MYOM1: variants seen among roughly 807,000 people sequenced by gnomAD.
MYOM1 encodes myomesin 1.
Under a neutral mutation model 205.3 loss-of-function variants are expected in MYOM1, and 164 were observed. The observed-to-expected ratio is 0.80, with a 90% CI of 0.70 to 0.91. The LOEUF (loss-of-function observed/expected upper bound fraction) is 0.91, where lower values mean the gene tolerates loss of function less well. Among genes scored for constraint, MYOM1 ranks in the 40% least tolerant of loss-of-function variants. MYOM1 has a pLI of 0.00. For synonymous variants in MYOM1, 772 were observed against 789.4 expected, an observed-to-expected ratio of 0.98 and a Z score of 0.37; for missense variants, 2,011 against 2,127.3, an observed-to-expected ratio of 0.95 and a Z score of 1.08.
At chr18:3,186,922 TAAAGAA>T (rs2080825022) in intron 5 of MYOM1, among the ~76,000 whole-genome samples, 1 of 64,992 alleles carries the variant, frequency 1.5e-5, no homozygotes, top group Non-Finnish European at 3.4e-5. Context: ...AAGAGGAAGA[TAAAGAA>T]AAAGAAAGAA....
At chr18:3,106,600 T>C (rs1245948391) in intron 22 of MYOM1, among the ~76,000 whole-genome samples, 2 of 152,106 alleles carry the variant, frequency 1.3e-5, no homozygotes, top group Non-Finnish European at 2.9e-5. Flanking sequence ...CAAAGTAGGA[T>C]TGCTTGAGCC....
chr18:3,106,505 G>A (rs966433978), intron 22 of MYOM1, among the ~76,000 whole-genome samples: 21 of 152,220 alleles, frequency 1.4e-4, no homozygotes, highest in African/African-American at 4.8e-4. Flanking sequence ...TTTTTTCAAA[G>A]TCTTACATTA....
intron 33 of MYOM1, among the ~76,000 whole-genome samples, chr18:3,083,431 T>TC (rs1555615151): frequency 2.6e-4 from 31 of 121,284 alleles, no homozygotes; most frequent in South Asian, 1.8e-3. Flanking sequence ...CTTTTTCTTT[T>TC]TTTTTTTTTT....
chr18:3,174,663 T>C (rs1233985438), intron 6 of MYOM1, among the ~76,000 whole-genome samples: 5 of 152,164 alleles, frequency 3.3e-5, no homozygotes, highest in African/African-American at 1.2e-4. Context: ...CCTGCCCTTG[T>C]GGTGGGTTTC....
At chr18:3,163,076 A>G (rs1041630928) in intron 10 of MYOM1, among the ~76,000 whole-genome samples, 2 of 151,672 alleles carry the variant, frequency 1.3e-5, no homozygotes, top group Non-Finnish European at 2.9e-5. Flanking sequence ...AAAAAGAAAG[A>G]CTCCTAAAGT....
At chr18:3,102,707 T>C in intron 22 of MYOM1, 77 bp from the exon 23 acceptor site, 2 of 1,487,308 alleles carry the variant, frequency 1.3e-6, no homozygotes, top group Non-Finnish European at 1.8e-6. Context: ...TTGAGATTCT[T>C]TACTTTAACC....
the MYOM1 span, among the ~76,000 whole-genome samples, chr18:3,242,131 T>C: frequency 2.0e-5 from 3 of 152,006 alleles, no homozygotes; most frequent in Admixed American, 1.3e-4. Context: ...AAATAACACT[T>C]TGGGGGGCTG....
the MYOM1 span, among the ~76,000 whole-genome samples, chr18:3,229,648 A>C: frequency 6.6e-6 from 1 of 152,176 alleles, no homozygotes; most frequent in Non-Finnish European, 1.5e-5. Context: ...GGAATGGTTA[A>C]TTTTAATTTA....
intron 36 of MYOM1, among the ~76,000 whole-genome samples, chr18:3,073,714 C>T (rs531789454): frequency 1.3e-5 from 2 of 152,354 alleles, no homozygotes; most frequent in South Asian, 4.1e-4. Context: ...CTACCTATGG[C>T]TTGCCTGGGC....
chr18:3,132,150 A>AATAT lies in MYOM1; in HGVS notation c.2385-658_2385-655dup, dbSNP rs762831552. On this transcript the variant is annotated intron_variant, in intron 16 of 37. Transcript: ENST00000356443. Reference sequence around the variant, plus strand: ...TATATATATATGAGTTATACTCTAAAATATATATATATATATTTTGAGACG... The same window carrying AATAT: ...TATATATATATGAGTTATACTCTAAAATATATATATATATATATATTTTGAGACG... 1.4e-3 allele frequency among the ~76,000 whole-genome samples: 195 copies of AATAT among 142,374 alleles called. 1 individual carries two copies. The highest frequency in any genetic ancestry group is 2.4e-3 in the Non-Finnish European group (160 of 65,814). 93.4% of individuals were successfully genotyped at this position (142,374 alleles called of 152,430 possible).
intron 2 of MYOM1, among the ~76,000 whole-genome samples, chr18:3,201,893 C>G (rs942668889): frequency 1.3e-5 from 2 of 152,064 alleles, no homozygotes; most frequent in African/African-American, 2.4e-5. Flanking sequence ...AGTCACCCAC[C>G]TCGGCCTCTG....
intron 5 of MYOM1, among the ~76,000 whole-genome samples, chr18:3,182,434 A>G (rs2080748860): frequency 6.6e-6 from 1 of 152,178 alleles, no homozygotes; most frequent in Non-Finnish European, 1.5e-5. Flanking sequence ...AAAGTATTAT[A>G]ATAATAATAA....
intron 10 of MYOM1, among the ~76,000 whole-genome samples, chr18:3,164,026 A>AT (rs111740256): frequency 8.5e-6 from 1 of 117,510 alleles, no homozygotes. Flanking sequence ...CTAATCAAAA[A>AT]AATTTTTTTT....
intron 5 of MYOM1, among the ~76,000 whole-genome samples, chr18:3,182,206 G>C (rs1248153299): frequency 6.6e-6 from 1 of 151,066 alleles, no homozygotes; most frequent in Non-Finnish European, 1.5e-5. Context: ...CTACAATCAA[G>C]ATTTCCATGG....
intron 1 of MYOM1, among the ~76,000 whole-genome samples, chr18:3,216,193 A>G (rs1352088307): frequency 6.6e-6 from 1 of 152,224 alleles, no homozygotes; most frequent in Non-Finnish European, 1.5e-5. Context: ...ACTTGAACTC[A>G]GAGGCGGAGT....
chr18:3,232,792 T>G, the MYOM1 span, among the ~76,000 whole-genome samples: 1 of 151,952 alleles, frequency 6.6e-6, no homozygotes, highest in Non-Finnish European at 1.5e-5. Flanking sequence ...TTTTTCAGTT[T>G]TAATAATCTA....
At position 3,152,030 on chromosome 18, in the gene MYOM1, G is replaced by T. The variant is rs896269669; in HGVS notation, c.1644-137C>A. 3.8e-6 allele frequency: 3 copies of T among 798,182 alleles called. No homozygotes were observed. The highest frequency in any genetic ancestry group is 5.7e-6 in the Non-Finnish European group (3 of 522,454). The allele number at this position is 798,182 out of a possible 1,614,324, so 49.4% of individuals were successfully genotyped here. On this transcript the variant is annotated intron_variant, in intron 11 of 37. Coordinates refer to ENST00000356443, the MANE Select transcript of MYOM1 (RefSeq NM_003803.4). This position sits in a 1 kb window ranked among gnomAD's most constrained non-coding sequence, Gnocchi z 4.3. Reference sequence around the variant, plus strand: ...CAAGTCAGGCGTGGCTCGCTACCTGGTGAACTGCATGCAGGCACTCCGTTT... The same window carrying T: ...CAAGTCAGGCGTGGCTCGCTACCTGTTGAACTGCATGCAGGCACTCCGTTT...
intron 2 of MYOM1, among the ~76,000 whole-genome samples, chr18:3,214,104 G>A (rs979845608): frequency 2.6e-5 from 4 of 152,122 alleles, no homozygotes; most frequent in Non-Finnish European, 5.9e-5. Flanking sequence ...TCAAATGGTC[G>A]AGCTAAAGAA....
intron 26 of MYOM1, among the ~76,000 whole-genome samples, chr18:3,093,124 A>T (rs1333500876): frequency 6.6e-6 from 1 of 152,172 alleles, no homozygotes; most frequent in Non-Finnish European, 1.5e-5. Flanking sequence ...TATGCACTGG[A>T]AAGGACTATA....
Sources: allele counts gnomAD v4.1 joint callset (sites outside exome capture counted in the v4.1 genomes callset), GRCh38; gene constraint gnomAD v4.1.1; non-coding constraint Gnocchi (gnomAD v3.1); transcripts MANE v1.5; gene names NCBI Gene and HGNC (gene_info 2026-07-23, HGNC 2026-07-21).